Variants in MYO7A observed in about 807,000 individuals in gnomAD.
The protein encoded by MYO7A is unconventional myosin-VIIa.
Under a neutral mutation model 263.8 loss-of-function variants are expected in MYO7A, and 210 were observed. That is an observed-to-expected ratio of 0.80 (90% confidence interval 0.71 to 0.89). MYO7A has a LOEUF of 0.89. Among genes scored for constraint, MYO7A ranks in the 40% least tolerant of loss-of-function variants. The pLI is 0.00. For synonymous variants in MYO7A, 1,239 were observed against 1,197.3 expected, an observed-to-expected ratio of 1.03 and a Z score of -0.72; for missense variants, 2,820 against 2,968.3, an observed-to-expected ratio of 0.95 and a Z score of 1.16.
chr11:77,183,876 G>T (rs1955454919), intron 26 of MYO7A, among the ~76,000 whole-genome samples: 1 of 152,184 alleles, frequency 6.6e-6, no homozygotes, highest in African/African-American at 2.4e-5. Flanking sequence ...AGCCTTGCAG[G>T]TGTGTGGCCT....
intron 11 of MYO7A, 138 bp downstream of exon 11, chr11:77,160,420 C>T: frequency 1.5e-6 from 2 of 1,297,172 alleles, no homozygotes; most frequent in South Asian, 3.0e-5. Context: ...CTGCAGTCGG[C>T]CTTCCTTGAG....
intron 31 of MYO7A, among the ~76,000 whole-genome samples, chr11:77,192,885 G>A (rs1452937891): frequency 3.3e-3 from 1 of 304 alleles, no homozygotes; most frequent in Non-Finnish European, 6.8e-3. Flanking sequence ...TGATGGTGGA[G>A]GAGGTAGTGA....
At chr11:77,205,351 G>A in intron 39 of MYO7A, 111 bp from the exon 40 acceptor site, 1 of 1,296,250 alleles carries the variant, frequency 7.7e-7, no homozygotes, top group Non-Finnish European at 1.1e-6. Context: ...GAGGGACGGT[G>A]CTGCTGTGAT....
In MYO7A at chr11:77,190,853, A is replaced by G. The variant is rs762713039; in HGVS notation, c.3907A>G (p.Ile1303Val). 3.9e-5 allele frequency: 62 copies of G among 1,575,190 alleles called. 1 individual carries two copies. The South Asian group carries it at 7.2e-4, about 18-fold the overall frequency. The part of the protein sequence containing the change: ...LKDRFGFSLY[I>V]ALFDKVSSLG... ...GGACCGGTTCGGGTTCTCCCTCTAC[A>G]TTGCCCTGTTTGACAAGGTATGGCC... Residue 1303 changes from isoleucine (I) to valine (V), a missense_variant, in exon 30 of 49, where the codon ATT becomes GTT. Coordinates refer to ENST00000409709, the MANE Select transcript of MYO7A (RefSeq NM_000260.4).
chr11:77,142,000 C>T (rs1366092193), intron 2 of MYO7A, among the ~76,000 whole-genome samples: 2 of 152,258 alleles, frequency 1.3e-5, no homozygotes, highest in Non-Finnish European at 2.9e-5. Flanking sequence ...AGTAGGTAAT[C>T]AATACATGTT....
intron 31 of MYO7A, among the ~76,000 whole-genome samples, chr11:77,193,585 A>G (rs1229075566): frequency 1.3e-5 from 2 of 150,616 alleles, no homozygotes; most frequent in Non-Finnish European, 3.0e-5. Flanking sequence ...AGTGGTGATG[A>G]TAATGGTGGT....
At chr11:77,160,943 T>C (rs1565353879) in intron 11 of MYO7A, 30 bp from the exon 12 acceptor site, 8 of 1,578,904 alleles carry the variant, frequency 5.1e-6, no homozygotes, top group Non-Finnish European at 6.0e-6. Flanking sequence ...AGGGTGTGGC[T>C]GGTGCCAGTG....
At chr11:77,183,899 C>T (rs1308692414) in intron 26 of MYO7A, among the ~76,000 whole-genome samples, 2 of 152,138 alleles carry the variant, frequency 1.3e-5, no homozygotes, top group Non-Finnish European at 2.9e-5. Flanking sequence ...GATTTGAATC[C>T]CACCTCTGCC....
chr11:77,142,836 TC>T lies in MYO7A; in HGVS notation c.132+17del. 1 of 1,574,084 alleles carries T rather than the reference TC, an allele frequency of 6.4e-7. No individual in the cohort carries two copies. The highest frequency in any genetic ancestry group is 8.6e-7 in the Non-Finnish European group (1 of 1,156,580). On this transcript the variant is annotated intron_variant, in intron 3 of 48. Coordinates refer to ENST00000409709, the MANE Select transcript of MYO7A (RefSeq NM_000260.4). Reference sequence around the variant, plus strand: ...GATGAAGACAATGTGAGTAGTCCCCTCCCTCCTCCTGCCCCATGCCTTGGGG... The same window carrying T: ...GATGAAGACAATGTGAGTAGTCCCCTCCTCCTCCTGCCCCATGCCTTGGGG...
In MYO7A at chr11:77,138,612, C is replaced by T. The variant is rs1555048826; in HGVS notation, c.19-4097C>T. On this transcript the variant is annotated intron_variant, in intron 2 of 48. Coordinates refer to ENST00000409709, the MANE Select transcript of MYO7A (RefSeq NM_000260.4). This position sits in a 1 kb window ranked among gnomAD's most constrained non-coding sequence, Gnocchi z 4.9. The stretch of plus-strand genomic sequence containing the variant: ...GTGAACTTGGCCGCGGCTGCCCTTT[C>T]CTAGGAGGAGAGGTTTTGCATCTGG... Among the ~76,000 whole-genome samples, 1 of 152,186 alleles carries T rather than the reference C, an allele frequency of 6.6e-6. No individual in the cohort carries two copies. Among genetic ancestry groups the T allele is most frequent in the Non-Finnish European group, 1.5e-5 (1 of 68,008 alleles).
chr11:77,158,588 G>T (rs1364735522), intron 9 of MYO7A, among the ~76,000 whole-genome samples, 158 bp downstream of exon 9: 2 of 152,236 alleles, frequency 1.3e-5, no homozygotes, highest in Non-Finnish European at 2.9e-5. Context: ...ATTTGAACAG[G>T]TCTGCTAGAT....
intron 37 of MYO7A, 118 bp from the exon 38 acceptor site, chr11:77,202,942 T>C: frequency 1.6e-6 from 2 of 1,263,916 alleles, no homozygotes; most frequent in Non-Finnish European, 2.1e-6. Flanking sequence ...CAGGGCCTGG[T>C]GCCCACTCTC....
At chr11:77,194,072 C>T (rs1956454282) in intron 31 of MYO7A, 4 of 627,842 alleles carry the variant, frequency 6.4e-6, no homozygotes, top group Non-Finnish European at 1.2e-5. Flanking sequence ...TGGCTTGTTT[C>T]TTTGCATCAC....
At chr11:77,155,498 A>T (rs542764401) in intron 4 of MYO7A, among the ~76,000 whole-genome samples, 1 of 152,304 alleles carries the variant, frequency 6.6e-6, no homozygotes, top group Admixed American at 6.5e-5. Flanking sequence ...CCCGTTGATT[A>T]ATTTCGCTCT....
intron 28 of MYO7A, 55 bp from the exon 29 acceptor site, chr11:77,189,965 T>G: frequency 6.8e-7 from 1 of 1,463,620 alleles, no homozygotes; most frequent in South Asian, 1.4e-5. Flanking sequence ...GCGGCTGCCC[T>G]CAAAATCCAC....
intron 12 of MYO7A, among the ~76,000 whole-genome samples, chr11:77,161,334 C>T (rs912064569): frequency 2.0e-5 from 3 of 152,096 alleles, no homozygotes; most frequent in South Asian, 2.1e-4. Context: ...GGAGGCTGTA[C>T]GCATCCTGAA....
rs749851891 is a variant in MYO7A, at chr11:77,179,737, G to A, written c.2370G>A (p.Met790Ile). Reference sequence around the variant, plus strand: ...GCATGGGGTGGCTGTCCTTGCAGATGCGTCTGGGCTTCCTGCGGCTGCAGG... The same window carrying A: ...GCATGGGGTGGCTGTCCTTGCAGATACGTCTGGGCTTCCTGCGGCTGCAGG... Reference protein sequence around the residue: ...GHNCRKNYGLMRLGFLRLQAL... With the variant: ...GHNCRKNYGLIRLGFLRLQAL... The change falls in exon 21 of 49, where the codon ATG (methionine) becomes ATA (isoleucine). Residue 790 changes from methionine (M) to isoleucine (I), a missense_variant and splice_region_variant. Physicochemically the swap from Met to Ile is conservative, Grantham distance 10 (BLOSUM62 1). Transcript: ENST00000409709. 1 of 1,535,134 alleles carries A rather than the reference G, an allele frequency of 6.5e-7. No individual in the cohort carries two copies. Among genetic ancestry groups the A allele is most frequent in the East Asian group, 2.5e-5 (1 of 40,760 alleles).
intron 4 of MYO7A, among the ~76,000 whole-genome samples, chr11:77,152,198 GTAGA>G (rs1291176509): frequency 6.6e-6 from 1 of 152,236 alleles, no homozygotes; most frequent in Non-Finnish European, 1.5e-5. Flanking sequence ...AAGTAGTTAG[GTAGA>G]TACATACATA....
chr11:77,147,592 A>G (rs1555054374), intron 3 of MYO7A, among the ~76,000 whole-genome samples: 1 of 152,016 alleles, frequency 6.6e-6, no homozygotes, highest in African/African-American at 2.4e-5. Flanking sequence ...AAATCCCCTA[A>G]GAGAAGGAGC....
Sources: allele counts gnomAD v4.1 joint callset (sites outside exome capture counted in the v4.1 genomes callset), GRCh38; gene constraint gnomAD v4.1.1; non-coding constraint Gnocchi (gnomAD v3.1); transcripts MANE v1.5; gene names NCBI Gene and HGNC (gene_info 2026-07-23, HGNC 2026-07-21).